The following PKP4 variants were observed in gnomAD, a reference collection of about 807,000 sequenced individuals.
PKP4 encodes the protein plakophilin 4.
Under a neutral mutation model 145.1 loss-of-function variants are expected in PKP4, and 90 were observed. That is an observed-to-expected ratio of 0.62 (90% CI 0.52 to 0.74). The LOEUF (loss-of-function observed/expected upper bound fraction) is 0.74, where lower values mean the gene tolerates loss of function less well. Among genes scored for constraint, PKP4 ranks in the 30% least tolerant of loss-of-function variants. The pLI is 0.00. For missense variants in PKP4, 1,340 were observed against 1,482.7 expected (o/e 0.90, Z 1.58); for synonymous variants, 563 against 577.2 (o/e 0.98, Z 0.35).
chr2:158,519,381 T>TC (rs1167210993), intron 1 of PKP4, among the ~76,000 whole-genome samples: 4 of 152,148 alleles, frequency 2.6e-5, no homozygotes, highest in Non-Finnish European at 4.4e-5. Flanking sequence ...GGGAATTTGG[T>TC]CCCCCCTGGG....
intron 1 of PKP4, among the ~76,000 whole-genome samples, chr2:158,498,342 G>A (rs1169193687): frequency 6.6e-6 from 1 of 152,116 alleles, no homozygotes; most frequent in Non-Finnish European, 1.5e-5. Context: ...TTAGGTGACT[G>A]AGAATGGGGA....
chr2:158,572,374 T>A (rs772327444), intron 2 of PKP4, among the ~76,000 whole-genome samples: 2 of 152,246 alleles, frequency 1.3e-5, no homozygotes, highest in Admixed American at 6.5e-5. Context: ...ATTTGAATTG[T>A]CTTTTTAAAA....
At chr2:158,481,007 G>A (rs1450066953) in intron 1 of PKP4, among the ~76,000 whole-genome samples, 1 of 151,904 alleles carries the variant, frequency 6.6e-6, no homozygotes, top group African/African-American at 2.4e-5. Context: ...TTTTTACTTA[G>A]CATGTTTTCA....
Position 158,485,342 on chromosome 2 carries a change from G to A in PKP4, c.-6+28124G>A, listed in dbSNP as rs550744438. Among the ~76,000 whole-genome samples, 9 of 152,256 alleles carry A rather than the reference G, an allele frequency of 5.9e-5. No individual in the cohort carries two copies. The South Asian group carries it at 1.2e-3, about 21-fold the overall frequency. On this transcript the variant is annotated intron_variant, in intron 1 of 21. Coordinates refer to ENST00000389759, the MANE Select transcript of PKP4 (RefSeq NM_003628.6). ...TTTACAGACGAAAACACGGAAACACGTAACAGTTAAGTCATTCAGAAGTAC... is the reference window on the plus strand; with the variant it reads ...TTTACAGACGAAAACACGGAAACACATAACAGTTAAGTCATTCAGAAGTAC...
intron 3 of PKP4, among the ~76,000 whole-genome samples, chr2:158,585,746 T>G (rs750329839): frequency 6.6e-6 from 1 of 152,194 alleles, no homozygotes; most frequent in African/African-American, 2.4e-5. Flanking sequence ...CTGAGAGTGC[T>G]TTTTATAAAA....
chr2:158,636,541 A>G (rs2053826388), intron 9 of PKP4, among the ~76,000 whole-genome samples: 1 of 152,048 alleles, frequency 6.6e-6, no homozygotes, highest in Non-Finnish European at 1.5e-5. Context: ...GATTCTTGGA[A>G]TGTAGGTTGA....
chr2:158,543,297 C>T (rs1160074605), intron 2 of PKP4, among the ~76,000 whole-genome samples: 1 of 152,034 alleles, frequency 6.6e-6, no homozygotes, highest in East Asian at 1.9e-4. Context: ...ATTTGGTTAT[C>T]TTTGTATTTT....
intron 1 of PKP4, among the ~76,000 whole-genome samples, chr2:158,523,713 C>G (rs778834566): frequency 0.034 from 4,343 of 129,202 alleles, 264 homozygotes; most frequent in African/African-American, 0.11. Flanking sequence ...AAACCAAAGG[C>G]AAAGAAGTTA....
At chr2:158,475,032 T>C (rs1224476557) in intron 1 of PKP4, among the ~76,000 whole-genome samples, 4 of 152,210 alleles carry the variant, frequency 2.6e-5, no homozygotes, top group Non-Finnish European at 1.5e-5. Flanking sequence ...TTCCTTAGAT[T>C]TCAGGCTAGT....
At chr2:158,573,414 A>G (rs1160737982) in intron 2 of PKP4, among the ~76,000 whole-genome samples, 1 of 152,178 alleles carries the variant, frequency 6.6e-6, no homozygotes, top group Non-Finnish European at 1.5e-5. Context: ...GGAGGGAAGA[A>G]AAGAGAAGAA....
chr2:158,473,102 A>C (rs183333848), intron 1 of PKP4, among the ~76,000 whole-genome samples: 7 of 152,340 alleles, frequency 4.6e-5, no homozygotes, highest in African/African-American at 1.7e-4. Context: ...TCAAAACCAC[A>C]ATGAGATACC....
At chr2:158,473,279 A>G (rs901700485) in intron 1 of PKP4, among the ~76,000 whole-genome samples, 5 of 152,218 alleles carry the variant, frequency 3.3e-5, no homozygotes, top group African/African-American at 9.6e-5. Context: ...AAGCAGAACT[A>G]CCATTCGACC....
At chr2:158,506,980 C>T (rs1385935099) in intron 1 of PKP4, among the ~76,000 whole-genome samples, 1 of 152,176 alleles carries the variant, frequency 6.6e-6, no homozygotes, top group Non-Finnish European at 1.5e-5. Context: ...CTATTTGTCT[C>T]TCCTAAATAA....
intron 1 of PKP4, among the ~76,000 whole-genome samples, chr2:158,490,061 A>G (rs553963491): frequency 6.6e-6 from 1 of 152,382 alleles, no homozygotes; most frequent in Admixed American, 6.5e-5. Flanking sequence ...TAAAATAGAC[A>G]CATTAATGAT....
At chr2:158,523,019 G>C (rs2042553522) in intron 1 of PKP4, among the ~76,000 whole-genome samples, 2 of 151,726 alleles carry the variant, frequency 1.3e-5, no homozygotes, top group East Asian at 3.9e-4. Flanking sequence ...ACAGCAGTCT[G>C]AGATCAAACT....
At chr2:158,542,156 T>G (rs2044579147) in intron 2 of PKP4, among the ~76,000 whole-genome samples, 1 of 152,200 alleles carries the variant, frequency 6.6e-6, no homozygotes, top group East Asian at 1.9e-4. Flanking sequence ...CCCCATGGTT[T>G]AAGTCTAGGA....
intron 1 of PKP4, among the ~76,000 whole-genome samples, chr2:158,522,981 C>T (rs1324460456): frequency 2.0e-5 from 3 of 152,138 alleles, no homozygotes; most frequent in Admixed American, 6.5e-5. Context: ...GAGGGTCCTA[C>T]GCCCACGGAA....
At chr2:158,499,078 C>T (rs575038516) in intron 1 of PKP4, among the ~76,000 whole-genome samples, 2 of 152,220 alleles carry the variant, frequency 1.3e-5, no homozygotes, top group South Asian at 2.1e-4. Context: ...AGAGAGCCTG[C>T]GGTAGGGGTG....
intron 1 of PKP4, among the ~76,000 whole-genome samples, chr2:158,474,953 A>C: frequency 6.6e-6 from 1 of 152,184 alleles, no homozygotes; most frequent in East Asian, 1.9e-4. Flanking sequence ...TTTTTAACTC[A>C]GTTCTTTTTA....
Sources: allele counts gnomAD v4.1 joint callset (sites outside exome capture counted in the v4.1 genomes callset), GRCh38; gene constraint gnomAD v4.1.1; transcripts MANE v1.5; gene names NCBI Gene and HGNC (gene_info 2026-07-23, HGNC 2026-07-21).